Variants in SLC25A33 observed in about 807,000 individuals in gnomAD.
SLC25A33 encodes the protein solute carrier family 25 member 33, also known as bone marrow stromal cell mitochondrial carrier protein.
Under a neutral mutation model 35.5 loss-of-function variants are expected in SLC25A33, and 15 were observed. The observed-to-expected ratio is 0.42, with a 90% CI of 0.28 to 0.65. The LOEUF (loss-of-function observed/expected upper bound fraction) is 0.65. SLC25A33 is among the 30% of genes least tolerant of loss of function. The pLI, the probability that SLC25A33 is intolerant of heterozygous loss-of-function variation, is 0.20. For missense variants in SLC25A33, 257 were observed against 398.5 expected, an observed-to-expected ratio of 0.64 and a Z score of 3.02; for synonymous variants, 136 against 148.7, an observed-to-expected ratio of 0.91 and a Z score of 0.62.
At chr1:9,568,618 G>A (rs546694059) in intron 3 of SLC25A33, among the ~76,000 whole-genome samples, 7 of 152,236 alleles carry the variant, frequency 4.6e-5, no homozygotes, top group African/African-American at 1.4e-4. Context: ...TTGGGAGGCC[G>A]AGGCCGGGGG....
chr1:9,570,085 C>T (rs898286706), intron 3 of SLC25A33, among the ~76,000 whole-genome samples, 173 bp from the exon 4 acceptor site: 3 of 152,196 alleles, frequency 2.0e-5, no homozygotes, highest in Non-Finnish European at 4.4e-5. Flanking sequence ...CACACAGGAG[C>T]TTCCTGAACG....
At chr1:9,566,458 A>T (rs868731254) in intron 2 of SLC25A33, among the ~76,000 whole-genome samples, 2 of 152,208 alleles carry the variant, frequency 1.3e-5, no homozygotes, top group Non-Finnish European at 2.9e-5. Context: ...GAATCTTATT[A>T]TGATGAGGAA....
intron 1 of SLC25A33, among the ~76,000 whole-genome samples, chr1:9,550,011 ATTTTT>A (rs70979761): frequency 1.4e-4 from 7 of 48,862 alleles, no homozygotes; most frequent in African/African-American, 3.9e-4. Flanking sequence ...ATATATATAT[ATTTTT>A]TTTTTTTTTT....
intron 6 of SLC25A33, among the ~76,000 whole-genome samples, chr1:9,580,893 A>AATC (rs1285460676): frequency 1.1e-4 from 17 of 148,714 alleles, no homozygotes; most frequent in African/African-American, 3.7e-4. Flanking sequence ...TAATAATAAT[A>AATC]ATCATTCAGC....
At chr1:9,544,889 T>A (rs1047816273) in intron 1 of SLC25A33, among the ~76,000 whole-genome samples, 1 of 152,238 alleles carries the variant, frequency 6.6e-6, no homozygotes, top group African/African-American at 2.4e-5. Context: ...CAAATTTTCC[T>A]TGATAGTTTA....
chr1:9,578,239 G>T lies in SLC25A33; in HGVS notation c.483-1715G>T, dbSNP rs1056213611. Among the ~76,000 whole-genome samples, 1 of 152,120 alleles carries T rather than the reference G, an allele frequency of 6.6e-6. No homozygotes were observed. Among genetic ancestry groups the T allele is most frequent in the African/African-American group, 2.4e-5 (1 of 41,416 alleles). On this transcript the variant is annotated intron_variant, in intron 5 of 6. Coordinates refer to ENST00000302692, the MANE Select transcript of SLC25A33 (RefSeq NM_032315.3). The surrounding 1 kb of genome is among the most constrained non-coding windows in gnomAD (Gnocchi z 4.3). ...GGCCTCTGGATGGTTTTAAGCACGG[G>T]AGTTGCATGGTTGGATTTGTGTTAG... is the stretch of plus-strand genomic sequence containing the variant.
In SLC25A33 at chr1:9,561,132, C is replaced by T. The variant is rs183617970; in HGVS notation, c.237-6152C>T. Among the ~76,000 whole-genome samples the T allele has an allele frequency of 7.9e-5, 12 of 152,028 alleles. No individual in the cohort carries two copies. In the East Asian group the frequency reaches 1.7e-3, roughly 22 times the overall value. ...ATTTTTTTTGTATTTTTAGTAGAGA[C>T]GGGGTTTCAGCGGTATTAGCCAGGA... On this transcript the variant is annotated intron_variant, in intron 2 of 6. Coordinates refer to ENST00000302692, the MANE Select transcript of SLC25A33 (RefSeq NM_032315.3).
At position 9,578,620 on chromosome 1, in the gene SLC25A33, T is replaced by C. The variant is rs1368061939; in HGVS notation, c.483-1334T>C. On this transcript the variant is annotated intron_variant, in intron 5 of 6. Coordinates refer to ENST00000302692, the MANE Select transcript of SLC25A33 (RefSeq NM_032315.3). This position sits in a 1 kb window ranked among gnomAD's most constrained non-coding sequence, Gnocchi z 4.3. ...TAGCCTCACCAACAGGTTGGAATGT[T>C]CCTATTTTTCTTTCTTATTATTTAC... 6.6e-6 allele frequency among the ~76,000 whole-genome samples: 1 copy of C among 152,198 alleles called. No homozygotes were observed. The highest frequency in any genetic ancestry group is 1.5e-5 in the Non-Finnish European group (1 of 68,040).
intron 1 of SLC25A33, among the ~76,000 whole-genome samples, chr1:9,542,000 C>T (rs886767154): frequency 1.3e-5 from 2 of 152,026 alleles, no homozygotes; most frequent in Non-Finnish European, 2.9e-5. Context: ...GGGGTTTAAC[C>T]GTGTTAGCCA....
At chr1:9,576,919 T>C (rs974220663) in intron 5 of SLC25A33, 1 of 1,298,536 alleles carries the variant, frequency 7.7e-7, no homozygotes, top group African/African-American at 1.5e-5. Context: ...CAGTTAAGGA[T>C]ATCAGGAAGT....
rs181146587 is a variant in SLC25A33, at chr1:9,567,368, A to T, written c.314+7A>T. On this transcript the variant is annotated splice_region_variant and intron_variant, in intron 3 of 6. Transcript: ENST00000302692. ...TTGGAGTTGCACCATCAAGGTAAGC[A>T]TTAAACTTTCCAGCTAGCTCATGCT... 5.9e-4 allele frequency: 954 copies of T among 1,613,060 alleles called. 6 individuals carry two copies. In the Middle Eastern group the frequency reaches 9.6e-3, roughly 16 times the overall value.
intron 3 of SLC25A33, 29 bp downstream of exon 3, chr1:9,567,390 T>C: frequency 1.3e-6 from 2 of 1,597,652 alleles, no homozygotes; most frequent in Non-Finnish European, 1.7e-6. Context: ...AGCTAGCTCA[T>C]GCTAAGCAGT....
intron 5 of SLC25A33, among the ~76,000 whole-genome samples, chr1:9,574,959 A>T (rs895642145): frequency 6.6e-6 from 1 of 152,062 alleles, no homozygotes; most frequent in Non-Finnish European, 1.5e-5. Flanking sequence ...CACACCTGTA[A>T]TCCCAGCACT....
At chr1:9,557,602 A>T (rs934204006) in intron 2 of SLC25A33, among the ~76,000 whole-genome samples, 18 of 152,278 alleles carry the variant, frequency 1.2e-4, no homozygotes, top group Non-Finnish European at 1.6e-4. Flanking sequence ...CAGGAGGCTG[A>T]ACTTAGGAGT....
intron 1 of SLC25A33, 74 bp from the exon 2 acceptor site, chr1:9,553,552 G>A: frequency 6.4e-7 from 1 of 1,550,938 alleles, no homozygotes; most frequent in Non-Finnish European, 8.8e-7. Context: ...TTTAAAGAGA[G>A]AAAAGCTAAG....
At chr1:9,553,856 T>C (rs1390235293) in intron 2 of SLC25A33, 51 bp downstream of exon 2, 1 of 1,543,244 alleles carries the variant, frequency 6.5e-7, no homozygotes, top group East Asian at 2.3e-5. Context: ...GTACCGCCAC[T>C]GTCAACAGAG....
chr1:9,542,835 C>T (rs1356371194), intron 1 of SLC25A33, among the ~76,000 whole-genome samples: 1 of 152,138 alleles, frequency 6.6e-6, no homozygotes, highest in Non-Finnish European at 1.5e-5. Flanking sequence ...TTTTTTGAGA[C>T]GGAGCCTCAC....
At position 9,571,484 on chromosome 1, in the gene SLC25A33, AG is replaced by A. The variant is rs541808264; in HGVS notation, c.415+1129del. Among the ~76,000 whole-genome samples the A allele has an allele frequency of 6.8e-3, 1,027 of 152,082 alleles. 10 individuals are homozygous for A. The highest frequency in any genetic ancestry group is 0.024 in the African/African-American group (984 of 41,506). ...AATTTTTTGTATTTTTAGTAGAGGC[AG>A]GGTTTCACCGTGTTAGCCAGGATAG... On this transcript the variant is annotated intron_variant, in intron 4 of 6. Transcript: ENST00000302692.
intron 5 of SLC25A33, among the ~76,000 whole-genome samples, chr1:9,573,942 G>A (rs999556941): frequency 3.3e-5 from 5 of 151,982 alleles, no homozygotes; most frequent in African/African-American, 1.2e-4. Flanking sequence ...GCCCTTTTTA[G>A]AATAATGTTG....
Sources: allele counts gnomAD v4.1 joint callset (sites outside exome capture counted in the v4.1 genomes callset), GRCh38; gene constraint gnomAD v4.1.1; non-coding constraint Gnocchi (gnomAD v3.1); transcripts MANE v1.5; gene names NCBI Gene and HGNC (gene_info 2026-07-23, HGNC 2026-07-21).